MTFR1: variants seen among roughly 807,000 people sequenced by gnomAD.
The protein encoded by MTFR1 is mitochondrial fission regulator 1, also known as chondrocyte protein with a poly-proline region.
Under a neutral mutation model 38.8 loss-of-function variants are expected in MTFR1, and 28 were observed. The ratio of observed to expected loss-of-function variants is 0.72; its 90% CI spans 0.53 to 0.99. The LOEUF is 0.99. Ranked by LOEUF, MTFR1 falls within the 50% of genes least tolerant of loss-of-function variation. The probability of loss-of-function intolerance (pLI) is 0.00; values close to 1 mark genes in which losing one functional copy is unlikely to be tolerated. For synonymous variants in MTFR1, 145 were observed against 137.0 expected (o/e 1.06, Z -0.41); for missense variants, 358 against 395.5 (o/e 0.91, Z 0.81).
rs557351160 is a variant in MTFR1, at chr8:65,727,182, T to C, written c.*48+7701T>C. 8.7e-5 allele frequency: 139 copies of C among 1,590,880 alleles called. 2 individuals carry two copies. The South Asian group carries it at 1.5e-3, about 17-fold the overall frequency. On this transcript the variant is annotated intron_variant, in intron 3 of 3. Coordinates refer to the MTFR1 transcript ENST00000521247. ...AAATTGCACTAACCTTGTATAAAGT[T>C]GCCAAGTAATGGTTAGTTTTAATAA...
Position 65,666,785 on chromosome 8 carries a change from G to GT in MTFR1, c.-80-3085dup, listed in dbSNP as rs1407433740. Among the ~76,000 whole-genome samples, 3 of 152,082 alleles carry GT rather than the reference G, an allele frequency of 2.0e-5. No individual in the cohort carries two copies. The East Asian group carries it at 5.8e-4, about 29-fold the overall frequency. Reference sequence around the variant, plus strand: ...TTGGACATTTTAGCTAAGGGCTCTTGTTTGGAACACCAATAAATAAAGGAG... The same window carrying GT: ...TTGGACATTTTAGCTAAGGGCTCTTGTTTTGGAACACCAATAAATAAAGGAG... On this transcript the variant is annotated intron_variant, in intron 1 of 7. Transcript: ENST00000262146.
At chr8:65,684,103 C>T (rs1179784589) in intron 3 of MTFR1, among the ~76,000 whole-genome samples, 1 of 152,124 alleles carries the variant, frequency 6.6e-6, no homozygotes, top group Non-Finnish European at 1.5e-5. Context: ...CTAACGTTTT[C>T]TGATTGCAAC....
At chr8:65,732,009 T>TGTC (rs1191165931) in intron 3 of MTFR1, among the ~76,000 whole-genome samples, 4 of 151,972 alleles carry the variant, frequency 2.6e-5, no homozygotes, top group African/African-American at 9.7e-5. Flanking sequence ...TTGTTGTTGT[T>TGTC]GTTATTTTAG....
intron 1 of MTFR1, among the ~76,000 whole-genome samples, chr8:65,664,840 G>A (rs1250725980): frequency 6.6e-6 from 1 of 151,382 alleles, no homozygotes; most frequent in Non-Finnish European, 1.5e-5. Context: ...TGCCCACCTT[G>A]GCTTCCAAAA....
the MTFR1 span, among the ~76,000 whole-genome samples, chr8:65,777,970 T>C: frequency 7.1e-4 from 108 of 152,322 alleles, 2 homozygotes; most frequent in East Asian, 0.019. Context: ...TCTCAGCCAT[T>C]GCTTCTTTAA....
intron 2 of MTFR1, among the ~76,000 whole-genome samples, chr8:65,680,277 C>G (rs1460936844): frequency 6.6e-6 from 1 of 152,010 alleles, no homozygotes; most frequent in Non-Finnish European, 1.5e-5. Flanking sequence ...GACCTTCCTG[C>G]TTTAGACTCT....
At chr8:65,692,872 A>C (rs1380973447) in intron 3 of MTFR1, among the ~76,000 whole-genome samples, 2 of 150,994 alleles carry the variant, frequency 1.3e-5, no homozygotes, top group African/African-American at 4.9e-5. Context: ...GATTTAGCTC[A>C]AGTTGGTCTT....
At chr8:65,645,949 A>G (rs1808955080) in intron 1 of MTFR1, among the ~76,000 whole-genome samples, 1 of 152,220 alleles carries the variant, frequency 6.6e-6, no homozygotes, top group Non-Finnish European at 1.5e-5. Flanking sequence ...AGAGGGGTCA[A>G]GTAAAATAAG....
chr8:65,651,702 G>A (rs111911946), intron 1 of MTFR1, among the ~76,000 whole-genome samples: 3,315 of 152,062 alleles, frequency 0.022, 123 homozygotes, highest in African/African-American at 0.075. Flanking sequence ...GGTTACTATA[G>A]CCCTGTAGTA....
chr8:65,667,000 C>T (rs1016441069), intron 1 of MTFR1, among the ~76,000 whole-genome samples: 27 of 152,094 alleles, frequency 1.8e-4, no homozygotes, highest in South Asian at 2.1e-4. Flanking sequence ...TCCGGCCAGA[C>T]GCGGTGGCTC....
intron 3 of MTFR1, among the ~76,000 whole-genome samples, chr8:65,720,146 C>A (rs1486507935): frequency 6.6e-6 from 1 of 152,132 alleles, no homozygotes; most frequent in Non-Finnish European, 1.5e-5. Context: ...TCCCTTAATT[C>A]AGTCAGAAAA....
At chr8:65,695,835 C>T (rs974751735) in intron 4 of MTFR1, among the ~76,000 whole-genome samples, 11 of 151,996 alleles carry the variant, frequency 7.2e-5, no homozygotes, top group African/African-American at 2.4e-4. Context: ...TTAGATAGAA[C>T]GGCTGAATAT....
intron 3 of MTFR1, chr8:65,723,443 G>A (rs1202128389): frequency 1.8e-6 from 2 of 1,120,504 alleles, no homozygotes; most frequent in South Asian, 6.3e-5. Flanking sequence ...AAATAGAAAT[G>A]AGCATAATTT....
At chr8:65,727,318 GAATAA>G in intron 3 of MTFR1, 3 of 1,611,956 alleles carry the variant, frequency 1.9e-6, no homozygotes, top group African/African-American at 1.3e-5. Flanking sequence ...TGTGACAAAA[GAATAA>G]TGAATCACAG....
intron 2 of MTFR1, among the ~76,000 whole-genome samples, chr8:65,678,333 G>A (rs956855688): frequency 8.5e-5 from 13 of 152,104 alleles, no homozygotes; most frequent in African/African-American, 1.2e-4. Flanking sequence ...TAGTTTTAGA[G>A]TTCCTGGAAA....
intron 6 of MTFR1, among the ~76,000 whole-genome samples, 174 bp from the exon 7 acceptor site, chr8:65,707,668 CT>C (rs1054731705): frequency 6.6e-6 from 1 of 152,172 alleles, no homozygotes; most frequent in African/African-American, 2.4e-5. Context: ...CTTCTGTGTG[CT>C]TTTGTTGAGC....
chr8:65,763,668 C>CA (rs1181148907), intron 3 of MTFR1, among the ~76,000 whole-genome samples: 3 of 152,210 alleles, frequency 2.0e-5, no homozygotes, highest in Non-Finnish European at 2.9e-5. Context: ...TGCTGAAACT[C>CA]AGACGCTGAA....
At chr8:65,719,409 C>G in exon 3 of MTFR1, 2 of 1,613,988 alleles carry the variant, frequency 1.2e-6, no homozygotes, top group Non-Finnish European at 1.7e-6. Context: ...TTCAGCCCCA[C>G]GTGTCCAAGC....
chr8:65,734,075 A>G (rs1289894490), intron 3 of MTFR1, among the ~76,000 whole-genome samples: 1 of 152,180 alleles, frequency 6.6e-6, no homozygotes, highest in Non-Finnish European at 1.5e-5. Context: ...GTAACTCTAT[A>G]CTAGACCTCT....
Sources: gnomAD v4.1 joint callset for allele counts (sites outside exome capture counted in the v4.1 genomes callset) on GRCh38, gnomAD v4.1.1 for gene constraint, MANE v1.5 for transcripts, NCBI Gene and HGNC (gene_info 2026-07-23, HGNC 2026-07-21) for gene names.